FAT3: variants seen among roughly 807,000 people sequenced by gnomAD.
FAT3 encodes the protein FAT atypical cadherin 3.
Under a neutral mutation model 310.2 loss-of-function variants are expected in FAT3, and 95 were observed. That is an observed-to-expected ratio of 0.31 (90% CI 0.26 to 0.36). The LOEUF (loss-of-function observed/expected upper bound fraction) is 0.36. FAT3 is among the 10% of genes least tolerant of loss of function. The pLI is 1.00. For missense variants in FAT3, 5,408 were observed against 5,715.6 expected (o/e 0.95, Z 1.74); for synonymous variants, 2,314 against 2,192.9 (o/e 1.06, Z -1.54).
At chr11:92,545,046 A>C (rs112599615) in intron 3 of FAT3, among the ~76,000 whole-genome samples, 48 of 152,124 alleles carry the variant, frequency 3.2e-4, no homozygotes, top group African/African-American at 1.1e-3. Context: ...GCAACCATTC[A>C]TTACCTCTCT....
At chr11:92,569,209 T>G (rs1409950258) in intron 3 of FAT3, among the ~76,000 whole-genome samples, 4 of 152,194 alleles carry the variant, frequency 2.6e-5, no homozygotes, top group Non-Finnish European at 5.9e-5. Context: ...TCCGTGATCT[T>G]ATGTTACTTA....
In FAT3 at chr11:92,797,868, G is replaced by C; in HGVS notation, c.4855G>C (p.Val1619Leu). The change falls in exon 10 of 28, where the codon GTC becomes CTC. Residue 1619 changes from valine to leucine, a missense_variant. Physicochemically the swap from Val to Leu is conservative, Grantham distance 32. Around this residue, in one of 5 missense-constraint regions of FAT3, gnomAD observed 4,588 missense variants for 4,809.8 expected, o/e 0.95. Transcript: ENST00000525166. Reference sequence around the variant, plus strand: ...TGGGAACATGTTTAAGATCGAACCGGTCCTAGGCATCATCACCATTTGCAA... The same window carrying C: ...TGGGAACATGTTTAAGATCGAACCGCTCCTAGGCATCATCACCATTTGCAA... ...NTGNMFKIEP[V>L]LGIITICKEP... 1 of 1,613,770 alleles carries C rather than the reference G, an allele frequency of 6.2e-7. No homozygotes were observed. Among genetic ancestry groups the C allele is most frequent in the Non-Finnish European group, 8.5e-7 (1 of 1,179,764 alleles).
At chr11:92,463,728 A>G (rs1233433799) in intron 2 of FAT3, among the ~76,000 whole-genome samples, 10 of 152,170 alleles carry the variant, frequency 6.6e-5, no homozygotes, top group Non-Finnish European at 1.5e-4. Flanking sequence ...GGTTATTTAC[A>G]CTGGTAGTCT....
At chr11:92,381,549 G>T (rs550054741) in intron 2 of FAT3, among the ~76,000 whole-genome samples, 19 of 152,182 alleles carry the variant, frequency 1.2e-4, no homozygotes, top group African/African-American at 4.3e-4. Flanking sequence ...CATGTGGTGG[G>T]TGCATTCACA....
intron 6 of FAT3, among the ~76,000 whole-genome samples, chr11:92,773,244 A>G (rs2136113794): frequency 6.6e-6 from 1 of 152,318 alleles, no homozygotes; most frequent in Middle Eastern, 3.4e-3. Flanking sequence ...TGTTGTCTTA[A>G]GCAAATCACT....
In FAT3 at chr11:92,800,513, A is replaced by T; in HGVS notation, c.7500A>T (p.Thr2500=). The T allele has an allele frequency of 6.2e-7, 1 of 1,613,960 alleles. No homozygotes were observed. The highest frequency in any genetic ancestry group is 8.5e-7 in the Non-Finnish European group (1 of 1,179,880). Reference sequence around the variant, plus strand: ...ACAGCCCTGCCTTTTCACAAAGCACATACGTAGCTGAGGTGAGAGAGAACG... The same window carrying T: ...ACAGCCCTGCCTTTTCACAAAGCACTTACGTAGCTGAGGTGAGAGAGAACG... The part of the protein sequence containing the change: ...NLYSPAFSQS[T]YVAEVRENVA... Residue 2500 remains threonine (T), a synonymous_variant, in exon 10 of 28, where the codon ACA becomes ACT. Coordinates refer to ENST00000525166, the MANE Select transcript of FAT3 (RefSeq NM_001367949.2).
intron 1 of FAT3, among the ~76,000 whole-genome samples, chr11:92,340,668 G>A (rs764734401): frequency 2.0e-5 from 3 of 152,106 alleles, no homozygotes; most frequent in Admixed American, 6.5e-5. Flanking sequence ...TACCCACCCC[G>A]AGTTCTAATT....
intron 19 of FAT3, among the ~76,000 whole-genome samples, chr11:92,854,411 G>T (rs1356751319): frequency 6.6e-6 from 1 of 152,092 alleles, no homozygotes; most frequent in African/African-American, 2.4e-5. Context: ...AACTCAGTAG[G>T]GGGGTGGGGC....
intron 19 of FAT3, among the ~76,000 whole-genome samples, chr11:92,855,861 C>A (rs1007593620): frequency 6.6e-6 from 1 of 151,974 alleles, no homozygotes; most frequent in African/African-American, 2.4e-5. Context: ...TCTGAGTTTG[C>A]TGGTGCTACT....
At chr11:92,787,971 TA>T (rs1209254398) in intron 7 of FAT3, among the ~76,000 whole-genome samples, 4 of 152,140 alleles carry the variant, frequency 2.6e-5, no homozygotes, top group East Asian at 3.8e-4. Flanking sequence ...TATTTACTTT[TA>T]AAAAACCACA....
chr11:92,388,136 T>A (rs1949669585), intron 2 of FAT3, among the ~76,000 whole-genome samples: 2 of 152,166 alleles, frequency 1.3e-5, no homozygotes, highest in African/African-American at 4.8e-5. Flanking sequence ...GATAAAGCAA[T>A]GACATTTTTA....
At chr11:92,498,397 A>C (rs965171172) in intron 2 of FAT3, 14 of 216,156 alleles carry the variant, frequency 6.5e-5, no homozygotes, top group African/African-American at 3.0e-4. Context: ...ATTTCTTTCA[A>C]ATTATTTGTC....
At chr11:92,531,155 T>C (rs1954056791) in intron 3 of FAT3, among the ~76,000 whole-genome samples, 1 of 152,226 alleles carries the variant, frequency 6.6e-6, no homozygotes, top group South Asian at 2.1e-4. Context: ...TTGCTCCTTC[T>C]TTCAGCCATG....
At chr11:92,549,329 C>T (rs889783954) in intron 3 of FAT3, among the ~76,000 whole-genome samples, 2 of 152,112 alleles carry the variant, frequency 1.3e-5, no homozygotes, top group African/African-American at 4.8e-5. Flanking sequence ...GCCAAGGTTC[C>T]CATTCAAACT....
At chr11:92,628,285 T>TA (rs1941410546) in intron 3 of FAT3, among the ~76,000 whole-genome samples, 1 of 152,228 alleles carries the variant, frequency 6.6e-6, no homozygotes, top group Non-Finnish European at 1.5e-5. Context: ...AAAGGAATCT[T>TA]ACTTGACTCT....
chr11:92,358,221 A>G lies in FAT3; in HGVS notation c.3292+2817A>G, dbSNP rs116097610. Among the ~76,000 whole-genome samples, 1,179 of 152,206 alleles carry G rather than the reference A, an allele frequency of 7.7e-3. 18 individuals are homozygous for G. The highest frequency in any genetic ancestry group is 0.027 in the African/African-American group (1,110 of 41,550). ...ATAAAAATAAAAACTTTTGTCATCA[A>G]TGATACTAATGCCACTTACATTTTG... On this transcript the variant is annotated intron_variant, in intron 2 of 27. Transcript: ENST00000525166.
chr11:92,302,654 A>C (rs1234243721), intron 1 of FAT3, among the ~76,000 whole-genome samples: 1 of 151,978 alleles, frequency 6.6e-6, no homozygotes, highest in African/African-American at 2.4e-5. Flanking sequence ...TTTTTTTTTC[A>C]TACTGGCAGA....
At chr11:92,486,130 GTTTTTT>G (rs71064714) in intron 2 of FAT3, among the ~76,000 whole-genome samples, 979 of 37,122 alleles carry the variant, frequency 0.026, 19 homozygotes, top group African/African-American at 0.08. Flanking sequence ...GGCTGCTGGG[GTTTTTT>G]TTTTTTTTTT....
intron 19 of FAT3, among the ~76,000 whole-genome samples, chr11:92,852,960 C>T (rs902056196): frequency 2.0e-5 from 3 of 152,180 alleles, no homozygotes; most frequent in African/African-American, 7.2e-5. Flanking sequence ...TCACAGGATC[C>T]TTGGGGTGTT....
Sources: allele counts gnomAD v4.1 joint callset (sites outside exome capture counted in the v4.1 genomes callset), GRCh38; gene constraint gnomAD v4.1.1; regional missense constraint gnomAD v4.1.1; transcripts MANE v1.5; gene names NCBI Gene and HGNC (gene_info 2026-07-23, HGNC 2026-07-21).